Variants in RGS6 observed in about 807,000 individuals in gnomAD.
RGS6 encodes regulator of G-protein signaling 6.
RGS6 carries 30 observed loss-of-function variants against 78.5 expected under a neutral mutation model. The ratio of observed to expected loss-of-function variants is 0.38; its 90% CI spans 0.29 to 0.52. The LOEUF is 0.52. Ranked by LOEUF, RGS6 falls within the 20% of genes least tolerant of loss-of-function variation. The pLI, the probability that RGS6 is intolerant of heterozygous loss-of-function variation, is 0.85. For synonymous variants in RGS6, 206 were observed against 206.0 expected (o/e 1.00, Z 0.00); for missense variants, 495 against 609.7 (o/e 0.81, Z 1.98).
At chr14:72,223,776 A>G (rs1055210604) in intron 2 of RGS6, among the ~76,000 whole-genome samples, 1 of 152,234 alleles carries the variant, frequency 6.6e-6, no homozygotes, top group Admixed American at 6.5e-5. Context: ...CCATTCGGTC[A>G]TTGTTACTCT....
chr14:71,977,149 A>T (rs1465975754), intron 2 of RGS6, among the ~76,000 whole-genome samples: 7 of 106,610 alleles, frequency 6.6e-5, no homozygotes, highest in South Asian at 3.4e-4. Flanking sequence ...TTCATTGTAG[A>T]TTCTGGATAT....
chr14:72,471,651 C>T (rs1165527346), intron 8 of RGS6, among the ~76,000 whole-genome samples: 4 of 152,196 alleles, frequency 2.6e-5, no homozygotes, highest in African/African-American at 9.7e-5. Context: ...TGTACACTGC[C>T]ATTGCTGTGA....
intron 12 of RGS6, among the ~76,000 whole-genome samples, chr14:72,494,191 CACTT>C (rs1192297601): frequency 6.6e-6 from 1 of 152,156 alleles, no homozygotes; most frequent in Non-Finnish European, 1.5e-5. Context: ...TTTGTTAAAA[CACTT>C]GCTTGGAAAA....
chr14:72,047,735 CT>C (rs928619006), intron 2 of RGS6, among the ~76,000 whole-genome samples: 4 of 150,804 alleles, frequency 2.7e-5, no homozygotes, highest in Admixed American at 6.6e-5. Context: ...ATTTCTTTTT[CT>C]TTTTTTTTGA....
At position 72,284,676 on chromosome 14, in the gene RGS6, C is replaced by T. The variant is rs560161763; in HGVS notation, c.85-67419C>T. 2.6e-5 allele frequency among the ~76,000 whole-genome samples: 4 copies of T among 152,350 alleles called. No individual in the cohort carries two copies. In the East Asian group the frequency reaches 7.7e-4, roughly 29 times the overall value. On this transcript the variant is annotated intron_variant, in intron 2 of 17. Coordinates refer to ENST00000553525, the MANE Select transcript of RGS6 (RefSeq NM_001204424.2). Reference sequence around the variant, plus strand: ...GGATTGAAGCCCCCACACAGAGTCCCCACAGGGGCACTGCCTAGGGAAGTT... The same window carrying T: ...GGATTGAAGCCCCCACACAGAGTCCTCACAGGGGCACTGCCTAGGGAAGTT...
chr14:72,174,755 C>T (rs1179148117), intron 2 of RGS6, among the ~76,000 whole-genome samples: 1 of 152,112 alleles, frequency 6.6e-6, no homozygotes, highest in South Asian at 2.1e-4. Flanking sequence ...GGGTGACAAC[C>T]CACCTATCAG....
At chr14:72,491,211 A>G (rs1435860581) in intron 12 of RGS6, among the ~76,000 whole-genome samples, 1 of 152,228 alleles carries the variant, frequency 6.6e-6, no homozygotes, top group Non-Finnish European at 1.5e-5. Flanking sequence ...ATCGATAACC[A>G]TAAAAATATT....
In RGS6 at chr14:72,418,128, C is replaced by T. The variant is rs564118049; in HGVS notation, c.185-36400C>T. 3.9e-5 allele frequency among the ~76,000 whole-genome samples: 6 copies of T among 152,016 alleles called. No homozygotes were observed. In the South Asian group the frequency reaches 8.3e-4, roughly 21 times the overall value. ...GGTAGTATGGGAAAAGACCATGAAGCGGACACATCATCTGTACTGCCAGTG... is the reference window on the plus strand; with the variant it reads ...GGTAGTATGGGAAAAGACCATGAAGTGGACACATCATCTGTACTGCCAGTG... On this transcript the variant is annotated intron_variant, in intron 3 of 17. Transcript: ENST00000553525.
At chr14:72,012,736 C>T (rs1055989452) in intron 2 of RGS6, among the ~76,000 whole-genome samples, 1 of 152,156 alleles carries the variant, frequency 6.6e-6, no homozygotes, top group African/African-American at 2.4e-5. Context: ...GAACTCAGGA[C>T]AGAATTTGAA....
At chr14:72,469,036 G>A (rs763356837) in intron 7 of RGS6, among the ~76,000 whole-genome samples, 2 of 152,012 alleles carry the variant, frequency 1.3e-5, no homozygotes, top group Non-Finnish European at 2.9e-5. Context: ...TCATTAGGGC[G>A]CCTGTCAAAC....
intron 3 of RGS6, among the ~76,000 whole-genome samples, chr14:72,390,254 C>T (rs553962096): frequency 3.9e-5 from 6 of 152,004 alleles, no homozygotes; most frequent in African/African-American, 1.2e-4. Flanking sequence ...CATGCCACCA[C>T]GCCCAGTTAA....
rs2097695070 is a variant in RGS6, at chr14:72,563,351, A to G, written c.*884A>G. 1 of 153,036 alleles carries G rather than the reference A, an allele frequency of 6.5e-6. No homozygotes were observed. The highest frequency in any genetic ancestry group is 1.5e-5 in the Non-Finnish European group (1 of 68,578). 9.5% of individuals were successfully genotyped at this position (153,036 alleles called of 1,614,324 possible). ...AAACATGGCCATGAACTCAGGGGCCATTGGGATTCTCCCCTCTGGCAGCCC... is the reference window on the plus strand; with the variant it reads ...AAACATGGCCATGAACTCAGGGGCCGTTGGGATTCTCCCCTCTGGCAGCCC... On this transcript the variant is annotated 3_prime_UTR_variant, in exon 18 of 18. Transcript: ENST00000553525.
chr14:72,324,017 C>T (rs892734084), intron 2 of RGS6, among the ~76,000 whole-genome samples: 5 of 151,752 alleles, frequency 3.3e-5, no homozygotes, highest in Non-Finnish European at 7.4e-5. Context: ...ACTTCAAGCA[C>T]TCATTACCTC....
chr14:72,326,217 A>G (rs1011857849), intron 2 of RGS6, among the ~76,000 whole-genome samples: 3 of 152,244 alleles, frequency 2.0e-5, no homozygotes, highest in Non-Finnish European at 4.4e-5. Flanking sequence ...AAGAAATCCT[A>G]TGTCCACGAA....
At chr14:72,623,904 A>G in the RGS6 span, among the ~76,000 whole-genome samples, 1 of 152,186 alleles carries the variant, frequency 6.6e-6, no homozygotes, top group Non-Finnish European at 1.5e-5. Flanking sequence ...CATAAAATGT[A>G]TAAATATATT....
At chr14:71,923,256 T>C in the RGS6 span, among the ~76,000 whole-genome samples, 3 of 152,162 alleles carry the variant, frequency 2.0e-5, no homozygotes, top group Non-Finnish European at 2.9e-5. Flanking sequence ...GAGTAGAGAA[T>C]TGTCCAGGAT....
chr14:72,224,420 A>G (rs1310645159), intron 2 of RGS6, among the ~76,000 whole-genome samples: 1 of 149,090 alleles, frequency 6.7e-6, no homozygotes, highest in East Asian at 2.0e-4. Flanking sequence ...CTATCTCAAA[A>G]AAAAGAAGAA....
At position 72,236,724 on chromosome 14, in the gene RGS6, G is replaced by A. The variant is rs145486830; in HGVS notation, c.85-115371G>A. Among the ~76,000 whole-genome samples, 544 of 152,196 alleles carry A rather than the reference G, an allele frequency of 3.6e-3. 2 individuals are homozygous for A. Among genetic ancestry groups the A allele is most frequent in the South Asian group, 0.011 (54 of 4,812 alleles). The stretch of plus-strand genomic sequence containing the variant: ...TCACTTCCCACACGGTGAGGGGGCC[G>A]GGCAGAGGTGCTCCTCACTTCCCAG... On this transcript the variant is annotated intron_variant, in intron 2 of 17. Transcript: ENST00000553525.
chr14:72,140,514 C>T (rs919082999), intron 2 of RGS6, among the ~76,000 whole-genome samples: 3 of 152,126 alleles, frequency 2.0e-5, no homozygotes, highest in African/African-American at 4.8e-5. Flanking sequence ...TATTTACTGT[C>T]ATCTTAGAGG....
Sources: gnomAD v4.1 joint callset for allele counts (sites outside exome capture counted in the v4.1 genomes callset) on GRCh38, gnomAD v4.1.1 for gene constraint, MANE v1.5 for transcripts, NCBI Gene and HGNC (gene_info 2026-07-23, HGNC 2026-07-21) for gene names.